Variants in ZNF236 observed in about 807,000 individuals in gnomAD.
ZNF236 encodes the protein regulated by glucose.
Under a neutral mutation model 191.2 loss-of-function variants are expected in ZNF236, and 50 were observed. The ratio of observed to expected loss-of-function variants is 0.26; its 90% CI spans 0.21 to 0.33. ZNF236 has a LOEUF of 0.33. Among genes scored for constraint, ZNF236 ranks in the 10% least tolerant of loss-of-function variants. The pLI is 1.00. For synonymous variants in ZNF236, 907 were observed against 928.8 expected, an observed-to-expected ratio of 0.98 and a Z score of 0.43; for missense variants, 1,754 against 2,374.5, an observed-to-expected ratio of 0.74 and a Z score of 5.43.
intron 1 of ZNF236, among the ~76,000 whole-genome samples, chr18:76,828,932 A>T (rs1278155570): frequency 6.6e-6 from 1 of 152,104 alleles, no homozygotes; most frequent in Non-Finnish European, 1.5e-5. Flanking sequence ...TCCCAGTGTT[A>T]GGATTACATG....
intron 3 of ZNF236, among the ~76,000 whole-genome samples, chr18:76,863,620 G>C (rs1233000472): frequency 1.3e-5 from 2 of 151,130 alleles, no homozygotes; most frequent in African/African-American, 2.4e-5. Context: ...TAGAGACGGA[G>C]TCTTGCTGTG....
chr18:76,885,651 A>G (rs1287370532), intron 9 of ZNF236: 1 of 178,696 alleles, frequency 5.6e-6, no homozygotes, highest in Non-Finnish European at 1.2e-5. Flanking sequence ...AGGCATGAAC[A>G]TCTGTCGTAA....
intron 19 of ZNF236, among the ~76,000 whole-genome samples, chr18:76,917,076 T>G (rs1967388361): frequency 6.6e-6 from 1 of 152,234 alleles, no homozygotes; most frequent in Non-Finnish European, 1.5e-5. Context: ...ACTTAACCAT[T>G]GCCAGAGCCA....
intron 27 of ZNF236, among the ~76,000 whole-genome samples, chr18:76,948,347 A>C (rs941990026): frequency 1.3e-5 from 2 of 152,200 alleles, no homozygotes; most frequent in African/African-American, 2.4e-5. Context: ...AAGAGATGAG[A>C]TATAACGAGC....
At chr18:76,951,098 C>T (rs1317432405) in intron 27 of ZNF236, among the ~76,000 whole-genome samples, 1 of 152,188 alleles carries the variant, frequency 6.6e-6, no homozygotes, top group African/African-American at 2.4e-5. Flanking sequence ...TTTATTGTTT[C>T]ATTTGTAGAG....
intron 10 of ZNF236, among the ~76,000 whole-genome samples, chr18:76,896,037 T>C (rs1237735856): frequency 1.2e-4 from 17 of 142,970 alleles, no homozygotes; most frequent in East Asian, 8.8e-4. Context: ...GTACTGCACA[T>C]GGGTACTAAA....
intron 3 of ZNF236, among the ~76,000 whole-genome samples, chr18:76,854,228 A>G (rs1411613502): frequency 6.6e-6 from 1 of 152,174 alleles, no homozygotes; most frequent in East Asian, 1.9e-4. Flanking sequence ...TATAAGAAAG[A>G]AAACATACTA....
chr18:76,850,890 C>A (rs866958994), intron 2 of ZNF236, among the ~76,000 whole-genome samples: 20 of 151,780 alleles, frequency 1.3e-4, no homozygotes, highest in Non-Finnish European at 1.5e-4. Flanking sequence ...AGGTGTGAGC[C>A]ACCACCCCCG....
chr18:76,870,514 G>A (rs765506469), intron 4 of ZNF236, among the ~76,000 whole-genome samples: 1 of 152,148 alleles, frequency 6.6e-6, no homozygotes, highest in African/African-American at 2.4e-5. Context: ...ACGAAGCCTC[G>A]CCCTCACAGA....
chr18:76,872,420 G>GT (rs1341309329), intron 5 of ZNF236, among the ~76,000 whole-genome samples: 5 of 152,208 alleles, frequency 3.3e-5, no homozygotes, highest in Admixed American at 2.6e-4. Flanking sequence ...AGCTATGATC[G>GT]TGCCACTGCA....
chr18:76,827,063 A>G (rs1975039513), intron 1 of ZNF236, among the ~76,000 whole-genome samples: 2 of 150,934 alleles, frequency 1.3e-5, no homozygotes, highest in South Asian at 4.2e-4. Flanking sequence ...TGCCCAGCTA[A>G]TTTTGTATTT....
At chr18:76,836,059 C>G (rs1975315498) in intron 1 of ZNF236, among the ~76,000 whole-genome samples, 1 of 152,092 alleles carries the variant, frequency 6.6e-6, no homozygotes, top group African/African-American at 2.4e-5. Flanking sequence ...AGGCGCCCAC[C>G]ACCACACCCA....
rs1443846864 is a variant in ZNF236, at chr18:76,912,363, G to C, written c.2909+16G>C. 6.3e-7 allele frequency: 1 copy of C among 1,598,522 alleles called. No homozygotes were observed. Among genetic ancestry groups the C allele is most frequent in the African/African-American group, 1.3e-5 (1 of 74,580 alleles). ...GCTCTTACAGGTAGTTGTCTGCACA[G>C]ACCAGCTCATGGTATTGCCGGCTCC... On this transcript the variant is annotated intron_variant, in intron 17 of 30. Transcript: ENST00000320610.
chr18:76,918,614 G>C (rs1310649641), intron 19 of ZNF236, among the ~76,000 whole-genome samples: 1 of 152,128 alleles, frequency 6.6e-6, no homozygotes, highest in Non-Finnish European at 1.5e-5. Context: ...TTTTTGTAGA[G>C]ACGGGGTCTT....
chr18:76,936,096 C>G (rs898850269), intron 25 of ZNF236: 21 of 456,690 alleles, frequency 4.6e-5, no homozygotes, highest in Non-Finnish European at 9.3e-5. Context: ...GCCCCTGACT[C>G]CTAGGAGAGC....
At chr18:76,870,383 AT>A (rs1240034097) in intron 4 of ZNF236, among the ~76,000 whole-genome samples, 2 of 152,162 alleles carry the variant, frequency 1.3e-5, no homozygotes, top group Non-Finnish European at 2.9e-5. Flanking sequence ...TGAGGCTTTA[AT>A]GCAGGCATTT....
At chr18:76,877,061 C>T (rs370060052) in intron 6 of ZNF236, among the ~76,000 whole-genome samples, 1 of 152,236 alleles carries the variant, frequency 6.6e-6, no homozygotes, top group Non-Finnish European at 1.5e-5. Context: ...TCGGAAGGGG[C>T]CAATGGGTTT....
chr18:76,961,722 T>G (rs1174338865), intron 30 of ZNF236, among the ~76,000 whole-genome samples: 13 of 58,100 alleles, frequency 2.2e-4, no homozygotes, highest in Admixed American at 7.9e-4. Flanking sequence ...CATGCTAGCA[T>G]GTACTATTTT....
chr18:76,923,252 T>C, intron 21 of ZNF236, 78 bp downstream of exon 21: 2 of 968,362 alleles, frequency 2.1e-6, no homozygotes, highest in Non-Finnish European at 3.2e-6. Flanking sequence ...ATATTTTGTG[T>C]ACATAAATAC....
Sources: allele counts gnomAD v4.1 joint callset (sites outside exome capture counted in the v4.1 genomes callset), GRCh38; gene constraint gnomAD v4.1.1; transcripts MANE v1.5; gene names NCBI Gene and HGNC (gene_info 2026-07-23, HGNC 2026-07-21).